Variants in INSIG1 observed in about 807,000 individuals in gnomAD.
The protein encoded by INSIG1 is insulin induced gene 1.
A neutral mutation model predicts 26.5 loss-of-function variants in INSIG1; 14 were observed. That is an observed-to-expected ratio of 0.53 (90% confidence interval 0.35 to 0.83). The LOEUF (loss-of-function observed/expected upper bound fraction) is 0.83, where lower values mean the gene tolerates loss of function less well. Ranked by LOEUF, INSIG1 falls within the 40% of genes least tolerant of loss-of-function variation. The probability of loss-of-function intolerance (pLI) is 0.01; values close to 1 mark genes in which losing one functional copy is unlikely to be tolerated. For missense variants in INSIG1, 272 were observed against 368.9 expected (o/e 0.74, Z 2.15); for synonymous variants, 147 against 153.3 (o/e 0.96, Z 0.30).
In INSIG1 at chr7:155,309,294, A is replaced by T. The variant is rs1209477674; in HGVS notation, c.*1024A>T. On this transcript the variant is annotated 3_prime_UTR_variant, in exon 6 of 6. Transcript: ENST00000340368. ...TTGCAAGTATTGGGTCTTAAACTTCAAGTGCAATGTATATGAAAACCAATC... is the reference window on the plus strand; with the variant it reads ...TTGCAAGTATTGGGTCTTAAACTTCTAGTGCAATGTATATGAAAACCAATC... The T allele has an allele frequency of 1.3e-5, 2 of 152,620 alleles. No homozygotes were observed. Among genetic ancestry groups the T allele is most frequent in the Non-Finnish European group, 2.9e-5 (2 of 68,040 alleles). The allele number at this position is 152,620 out of a possible 1,614,324, so 9.5% of individuals were successfully genotyped here.
At position 155,302,164 on chromosome 7, in the gene INSIG1, A is replaced by G; in HGVS notation, c.538-87A>G. ...TGAATTATCTGTGGTACAATAATAA[A>G]ATACCCATGTTTTTAACCCTTGTGG... On this transcript the variant is annotated intron_variant, in intron 3 of 5. Transcript: ENST00000340368. This position sits in a 1 kb window ranked among gnomAD's most constrained non-coding sequence, Gnocchi z 4.3. The G allele has an allele frequency of 9.9e-7, 1 of 1,012,924 alleles. No individual in the cohort carries two copies. Among genetic ancestry groups the G allele is most frequent in the Non-Finnish European group, 1.4e-6 (1 of 703,106 alleles). 62.7% of individuals were successfully genotyped at this position (1,012,924 alleles called of 1,614,324 possible). A position where few individuals can be genotyped will look rare whatever the true frequency, so the allele number is the denominator to read the frequency against.
At chr7:155,301,799 T>C (rs1267204476) in intron 3 of INSIG1, 109 bp downstream of exon 3, 1 of 1,022,166 alleles carries the variant, frequency 9.8e-7, no homozygotes, top group Non-Finnish European at 1.3e-6. Context: ...ACAGACATGA[T>C]GGTGGTACCT....
rs1214560759 is a variant in INSIG1 at position 155,309,665 on chromosome 7, GTC to G, written c.*1397_*1398del. The G allele has an allele frequency of 7.9e-5, 12 of 152,150 alleles. No individual in the cohort carries two copies. The highest frequency in any genetic ancestry group is 2.9e-4 in the African/African-American group (12 of 41,428). 9.4% of individuals were successfully genotyped at this position (152,150 alleles called of 1,614,324 possible). The stretch of plus-strand genomic sequence containing the variant: ...TAGAGGAACTTGCCTGTGAGCGCTG[GTC>G]TTTGTGTTTGGTTTTGTGATGTAAC... On this transcript the variant is annotated 3_prime_UTR_variant, in exon 6 of 6. Transcript: ENST00000340368.
In INSIG1 at chr7:155,302,810, C is replaced by A; in HGVS notation, c.768C>A (p.Gly256=). The part of the protein sequence containing the change: ...SWLPCIFFSG[G]VTVGNIGRQL... ...TCCCTTGTATATTTTTCTCAGGAGGCGTCACGGTGGGGAACATAGGACGAC... is the reference window on the plus strand; with the variant it reads ...TCCCTTGTATATTTTTCTCAGGAGGAGTCACGGTGGGGAACATAGGACGAC... Residue 256 remains glycine, a synonymous_variant, in exon 5 of 6, where the codon GGC becomes GGA. Transcript: ENST00000340368. The surrounding 1 kb of genome is among the most constrained non-coding windows in gnomAD (Gnocchi z 4.3). 1 of 1,611,844 alleles carries A rather than the reference C, an allele frequency of 6.2e-7. No homozygotes were observed. Among genetic ancestry groups the A allele is most frequent in the Non-Finnish European group, 8.5e-7 (1 of 1,178,088 alleles).
At chr7:155,307,757 A>C (rs1026346317) in intron 5 of INSIG1, among the ~76,000 whole-genome samples, 1 of 152,272 alleles carries the variant, frequency 6.6e-6, no homozygotes, top group Non-Finnish European at 1.5e-5. Flanking sequence ...TAACACAGGC[A>C]TCAGATACTA....
In INSIG1 at chr7:155,309,115, T is replaced by A. The variant is rs1160647754; in HGVS notation, c.*845T>A. 6.6e-6 allele frequency: 1 copy of A among 152,476 alleles called. No individual in the cohort carries two copies. Among genetic ancestry groups the A allele is most frequent in the Non-Finnish European group, 1.5e-5 (1 of 68,030 alleles). 9.4% of individuals were successfully genotyped at this position (152,476 alleles called of 1,614,324 possible). A position where few individuals can be genotyped will look rare whatever the true frequency, so the allele number is the denominator to read the frequency against. Reference sequence around the variant, plus strand: ...TGTTACTACAGAATAGAGATGACTGTTTTTTGCCACAGCCCTATGGAATTT... The same window carrying A: ...TGTTACTACAGAATAGAGATGACTGATTTTTGCCACAGCCCTATGGAATTT... On this transcript the variant is annotated 3_prime_UTR_variant, in exon 6 of 6. Coordinates refer to ENST00000340368, the MANE Select transcript of INSIG1 (RefSeq NM_005542.6).
intron 3 of INSIG1, among the ~76,000 whole-genome samples, 178 bp downstream of exon 3, chr7:155,301,868 A>G (rs1246995042): frequency 1.3e-5 from 2 of 149,842 alleles, no homozygotes; most frequent in Non-Finnish European, 3.0e-5. Flanking sequence ...ACTTCATAGT[A>G]AAATATATTG....
Position 155,302,152 on chromosome 7 carries a change from G to A in INSIG1, c.538-99G>A. The A allele has an allele frequency of 1.1e-6, 1 of 884,480 alleles. No individual in the cohort carries two copies. The allele number at this position is 884,480 out of a possible 1,614,324, so 54.8% of individuals were successfully genotyped here. ...TTTTATGGACAGTGAATTATCTGTG[G>A]TACAATAATAAAATACCCATGTTTT... On this transcript the variant is annotated intron_variant, in intron 3 of 5. Coordinates refer to ENST00000340368, the MANE Select transcript of INSIG1 (RefSeq NM_005542.6). This position sits in a 1 kb window ranked among gnomAD's most constrained non-coding sequence, Gnocchi z 4.3.
Position 155,298,643 on chromosome 7 carries a change from G to T in INSIG1, c.358G>T (p.Ala120Ser), listed in dbSNP as rs765559868. 3.1e-6 allele frequency: 5 copies of T among 1,613,134 alleles called. No individual in the cohort carries two copies. The highest frequency in any genetic ancestry group is 1.1e-5 in the South Asian group (1 of 91,052). The change falls in exon 2 of 6, where the codon GCC becomes TCC. Residue 120 changes from alanine to serine, a missense_variant. By Grantham distance (99) the Ala-to-Ser change is moderately conservative. Around this residue, in one of 2 missense-constraint regions of INSIG1, gnomAD observed 161 missense variants for 179.2 expected, o/e 0.90. Coordinates refer to ENST00000340368, the MANE Select transcript of INSIG1 (RefSeq NM_005542.6). ...NVTLFPEEVI[A>S]TIFSSAWWVP... ...CACTCTCTTCCCCGAGGAGGTGATC[G>T]CCACCATCTTTTCCTCCGCCTGGTG...
At position 155,302,702 on chromosome 7, in the gene INSIG1, C is replaced by A; in HGVS notation, c.705-45C>A. ...GAGAATCTGTGATGTAGAATTGAGCCAGGTGAAATTGACTGCTAAGGTACA... is the reference window on the plus strand; with the variant it reads ...GAGAATCTGTGATGTAGAATTGAGCAAGGTGAAATTGACTGCTAAGGTACA... On this transcript the variant is annotated intron_variant, in intron 4 of 5. Coordinates refer to ENST00000340368, the MANE Select transcript of INSIG1 (RefSeq NM_005542.6). This position sits in a 1 kb window ranked among gnomAD's most constrained non-coding sequence, Gnocchi z 4.3. The A allele has an allele frequency of 1.6e-6, 2 of 1,289,198 alleles. No homozygotes were observed. Among genetic ancestry groups the A allele is most frequent in the Non-Finnish European group, 2.3e-6 (2 of 885,708 alleles). The allele number at this position is 1,289,198 out of a possible 1,614,324, so 79.9% of individuals were successfully genotyped here. A position where few individuals can be genotyped will look rare whatever the true frequency, so the allele number is the denominator to read the frequency against.
At position 155,309,227 on chromosome 7, in the gene INSIG1, A is replaced by T. The variant is rs1467994989; in HGVS notation, c.*957A>T. ...TTTCTAGTCAATGATATTGGTGAGC[A>T]CAATGTATTCATTTAATGGCATAGA... On this transcript the variant is annotated 3_prime_UTR_variant, in exon 6 of 6. Transcript: ENST00000340368. 6.6e-6 allele frequency: 1 copy of T among 152,658 alleles called. No individual in the cohort carries two copies. The highest frequency in any genetic ancestry group is 1.5e-5 in the Non-Finnish European group (1 of 68,046). The allele number at this position is 152,658 out of a possible 1,614,324, so 9.5% of individuals were successfully genotyped here.
chr7:155,298,717 C>G lies in INSIG1; in HGVS notation c.412+20C>G, dbSNP rs377426409. The G allele has an allele frequency of 5.0e-6, 8 of 1,595,614 alleles. No homozygotes were observed. In the African/African-American group the frequency reaches 6.7e-5, roughly 13 times the overall value. On this transcript the variant is annotated intron_variant, in intron 2 of 5. Coordinates refer to ENST00000340368, the MANE Select transcript of INSIG1 (RefSeq NM_005542.6). ...CAGCTGGTGAGTACCCCTCCTGGTT[C>G]TTCTGGAAGTAAAAAGGGTGTCTTT...
Position 155,298,714 on chromosome 7 carries a change from G to T in INSIG1, c.412+17G>T, listed in dbSNP as rs1344247801. On this transcript the variant is annotated intron_variant, in intron 2 of 5. Coordinates refer to ENST00000340368, the MANE Select transcript of INSIG1 (RefSeq NM_005542.6). ...CAGCAGCTGGTGAGTACCCCTCCTG[G>T]TTCTTCTGGAAGTAAAAAGGGTGTC... 1.9e-6 allele frequency: 3 copies of T among 1,599,434 alleles called. No individual in the cohort carries two copies. Among genetic ancestry groups the T allele is most frequent in the Non-Finnish European group, 2.6e-6 (3 of 1,175,488 alleles).
chr7:155,307,658 T>G (rs1005975503), intron 5 of INSIG1, among the ~76,000 whole-genome samples: 3 of 152,166 alleles, frequency 2.0e-5, no homozygotes, highest in Admixed American at 6.5e-5. Context: ...TGAAGCTCTG[T>G]GTGAATTGAG....
chr7:155,305,244 C>T (rs1354201730), intron 5 of INSIG1, among the ~76,000 whole-genome samples: 1 of 152,010 alleles, frequency 6.6e-6, no homozygotes, highest in East Asian at 1.9e-4. Context: ...CTAAGCCTAA[C>T]CCGCCTACCA....
chr7:155,300,155 C>A (rs1486925285), intron 2 of INSIG1, among the ~76,000 whole-genome samples: 2 of 152,072 alleles, frequency 1.3e-5, no homozygotes, highest in Non-Finnish European at 2.9e-5. Flanking sequence ...AGAATAGTTT[C>A]TTTCCTTTAA....
chr7:155,302,862 A>G lies in INSIG1; in HGVS notation c.804+16A>G. The G allele has an allele frequency of 2.0e-6, 3 of 1,513,542 alleles. No homozygotes were observed. The highest frequency in any genetic ancestry group is 2.3e-5 in the South Asian group (2 of 88,822). The allele number at this position is 1,513,542 out of a possible 1,614,324, so 93.8% of individuals were successfully genotyped here. A position where few individuals can be genotyped will look rare whatever the true frequency, so the allele number is the denominator to read the frequency against. ...GTTAGCTATGGTAAGTGAAATGATCATATTATCTTCTAAAACTTGCGTCTC... is the reference window on the plus strand; with the variant it reads ...GTTAGCTATGGTAAGTGAAATGATCGTATTATCTTCTAAAACTTGCGTCTC... On this transcript the variant is annotated intron_variant, in intron 5 of 5. Transcript: ENST00000340368. This position sits in a 1 kb window ranked among gnomAD's most constrained non-coding sequence, Gnocchi z 4.3.
At chr7:155,304,777 C>T (rs1015090697) in intron 5 of INSIG1, among the ~76,000 whole-genome samples, 13 of 152,144 alleles carry the variant, frequency 8.5e-5, no homozygotes, top group African/African-American at 1.4e-4. Flanking sequence ...CTTACTTCAG[C>T]TTTCTCTTCA....
Position 155,304,416 on chromosome 7 carries a change from G to A in INSIG1, c.804+1570G>A, listed in dbSNP as rs540648528. 4.6e-5 allele frequency among the ~76,000 whole-genome samples: 7 copies of A among 152,278 alleles called. No homozygotes were observed. In the East Asian group the frequency reaches 1.2e-3, roughly 25 times the overall value. ...GAGATTTTTGTTTCGGTACTCTTTGGGAGAGAATTCCTAAGAAGGTTTTTA... is the reference window on the plus strand; with the variant it reads ...GAGATTTTTGTTTCGGTACTCTTTGAGAGAGAATTCCTAAGAAGGTTTTTA... On this transcript the variant is annotated intron_variant, in intron 5 of 5. Transcript: ENST00000340368.
Sources: allele counts gnomAD v4.1 joint callset (sites outside exome capture counted in the v4.1 genomes callset), GRCh38; gene constraint gnomAD v4.1.1; regional missense constraint gnomAD v4.1.1; non-coding constraint Gnocchi (gnomAD v3.1); transcripts MANE v1.5; gene names NCBI Gene and HGNC (gene_info 2026-07-23, HGNC 2026-07-21).